EPHA6: variants seen among roughly 807,000 people sequenced by gnomAD.
The protein encoded by EPHA6 is ephrin type-A receptor 6.
Under a neutral mutation model 112.0 loss-of-function variants are expected in EPHA6, and 50 were observed. The observed-to-expected ratio is 0.45, with a 90% confidence interval of 0.36 to 0.56. The LOEUF (loss-of-function observed/expected upper bound fraction) is 0.56, where lower values mean the gene tolerates loss of function less well. Among genes scored for constraint, EPHA6 ranks in the 20% least tolerant of loss-of-function variants. The probability of loss-of-function intolerance (pLI) is 0.00; values close to 1 mark genes in which losing one functional copy is unlikely to be tolerated. For synonymous variants in EPHA6, 529 were observed against 490.7 expected, an observed-to-expected ratio of 1.08 and a Z score of -1.03; for missense variants, 1,280 against 1,417.4, an observed-to-expected ratio of 0.90 and a Z score of 1.56.
chr3:97,450,548 T>C (rs1272356991), intron 7 of EPHA6, among the ~76,000 whole-genome samples: 1 of 152,082 alleles, frequency 6.6e-6, no homozygotes, highest in African/African-American at 2.4e-5. Flanking sequence ...GGTCATTTGG[T>C]GTAATATTAA....
intron 3 of EPHA6, among the ~76,000 whole-genome samples, chr3:97,012,583 A>G (rs926337694): frequency 2.3e-5 from 3 of 130,766 alleles, no homozygotes; most frequent in African/African-American, 7.2e-5. Flanking sequence ...TAAAATTTAT[A>G]TATGTGTGTG....
chr3:97,315,080 GA>G (rs1307725907), intron 5 of EPHA6, among the ~76,000 whole-genome samples: 3 of 150,180 alleles, frequency 2.0e-5, no homozygotes. Context: ...TGTATTTTAA[GA>G]AAAAAAAGTT....
chr3:97,419,764 A>G (rs1175123498), intron 6 of EPHA6, among the ~76,000 whole-genome samples: 1 of 152,136 alleles, frequency 6.6e-6, no homozygotes, highest in African/African-American at 2.4e-5. Context: ...AAAATCAACA[A>G]AACCAAAAAT....
intron 2 of EPHA6, among the ~76,000 whole-genome samples, chr3:96,909,897 T>C (rs2039129793): frequency 6.6e-6 from 1 of 152,000 alleles, no homozygotes; most frequent in Admixed American, 6.6e-5. Context: ...TCTGAGCATA[T>C]ATTTCTTCAA....
intron 2 of EPHA6, among the ~76,000 whole-genome samples, chr3:96,881,136 C>T (rs993286963): frequency 6.6e-6 from 1 of 152,138 alleles, no homozygotes; most frequent in Non-Finnish European, 1.5e-5. Context: ...GTGTTCTCAT[C>T]AGCAATGTGT....
intron 5 of EPHA6, among the ~76,000 whole-genome samples, chr3:97,328,410 C>A (rs1308862485): frequency 6.6e-6 from 1 of 151,968 alleles, no homozygotes; most frequent in Non-Finnish European, 1.5e-5. Context: ...GGTAGTATAT[C>A]TCATTGTGGT....
chr3:97,029,646 A>G (rs1457893458), intron 3 of EPHA6, among the ~76,000 whole-genome samples: 1 of 152,120 alleles, frequency 6.6e-6, no homozygotes, highest in Non-Finnish European at 1.5e-5. Flanking sequence ...TGATAGTAAT[A>G]TTTTGTAACT....
chr3:97,353,822 A>AC (rs1212120196), intron 5 of EPHA6, among the ~76,000 whole-genome samples: 2 of 152,228 alleles, frequency 1.3e-5, no homozygotes, highest in East Asian at 3.9e-4. Context: ...CTTGGGCAAG[A>AC]CCCAGTACTG....
chr3:97,573,491 G>T (rs1211690260), intron 11 of EPHA6, among the ~76,000 whole-genome samples: 1 of 152,078 alleles, frequency 6.6e-6, no homozygotes, highest in Non-Finnish European at 1.5e-5. Context: ...ACAATGATCA[G>T]TTCCAGATTA....
intron 1 of EPHA6, among the ~76,000 whole-genome samples, chr3:96,847,142 T>C (rs1351094895): frequency 1.3e-5 from 2 of 152,060 alleles, no homozygotes; most frequent in Non-Finnish European, 2.9e-5. Context: ...GAAAGTCTAT[T>C]TATTTTTGCT....
chr3:97,695,282 T>TA (rs2032958633), intron 14 of EPHA6, among the ~76,000 whole-genome samples: 1 of 152,198 alleles, frequency 6.6e-6, no homozygotes, highest in Non-Finnish European at 1.5e-5. Flanking sequence ...TATGGTGGTA[T>TA]ATTAAAATGT....
chr3:97,631,096 G>A (rs2093898892), intron 13 of EPHA6, among the ~76,000 whole-genome samples: 1 of 151,866 alleles, frequency 6.6e-6, no homozygotes, highest in South Asian at 2.1e-4. Flanking sequence ...ATCTTTTACT[G>A]CATTTGTAAA....
intron 3 of EPHA6, among the ~76,000 whole-genome samples, chr3:97,034,762 A>G (rs1216317114): frequency 6.6e-6 from 1 of 151,974 alleles, no homozygotes; most frequent in Non-Finnish European, 1.5e-5. Context: ...ATACACATAC[A>G]GAGTACTGTT....
intron 10 of EPHA6, among the ~76,000 whole-genome samples, chr3:97,513,222 G>T (rs1422945300): frequency 6.6e-6 from 1 of 152,148 alleles, no homozygotes; most frequent in African/African-American, 2.4e-5. Context: ...GTGCAGCCAT[G>T]GTAGACAACA....
At chr3:97,377,173 G>A (rs112091677) in intron 5 of EPHA6, among the ~76,000 whole-genome samples, 7,701 of 152,174 alleles carry the variant, frequency 0.051, 263 homozygotes, top group Middle Eastern at 0.095. Context: ...CAATTCCCAC[G>A]TGTTGTGGGA....
At chr3:96,825,818 CTA>C (rs1168488419) in intron 1 of EPHA6, among the ~76,000 whole-genome samples, 2 of 151,716 alleles carry the variant, frequency 1.3e-5, no homozygotes, top group African/African-American at 4.8e-5. Flanking sequence ...TAATTATACT[CTA>C]TTTTTAAATT....
At chr3:96,993,362 T>C (rs533493867) in intron 3 of EPHA6, among the ~76,000 whole-genome samples, 1 of 151,694 alleles carries the variant, frequency 6.6e-6, no homozygotes, top group African/African-American at 2.4e-5. Flanking sequence ...AGTGGCGCGA[T>C]CTTGCCGCAC....
In EPHA6 at chr3:97,499,016, A is replaced by G. The variant is rs141313104; in HGVS notation, c.2200+14957A>G. Among the ~76,000 whole-genome samples, 998 of 152,322 alleles carry G rather than the reference A, an allele frequency of 6.6e-3. 12 individuals carry two copies. The highest frequency in any genetic ancestry group is 0.022 in the African/African-American group (918 of 41,580). ...TCCATTACGATTATAGAAACTTTTAATTTATTTCTGTCTTTTTAAAACTTT... is the reference window on the plus strand; with the variant it reads ...TCCATTACGATTATAGAAACTTTTAGTTTATTTCTGTCTTTTTAAAACTTT... On this transcript the variant is annotated intron_variant, in intron 10 of 17. Coordinates refer to ENST00000389672, the MANE Select transcript of EPHA6 (RefSeq NM_001080448.3).
chr3:97,107,249 G>A (rs1300568826), intron 3 of EPHA6, among the ~76,000 whole-genome samples: 1 of 152,050 alleles, frequency 6.6e-6, no homozygotes, highest in African/African-American at 2.4e-5. Context: ...AGAAAAATCT[G>A]CCTGAATATT....
Sources: gnomAD v4.1 joint callset for allele counts (sites outside exome capture counted in the v4.1 genomes callset) on GRCh38, gnomAD v4.1.1 for gene constraint, MANE v1.5 for transcripts, NCBI Gene and HGNC (gene_info 2026-07-23, HGNC 2026-07-21) for gene names.